Variants in PLA2G6 observed in about 807,000 individuals in gnomAD.
PLA2G6 encodes the protein phospholipase A2 group VI.
In PLA2G6, 62 loss-of-function variants were observed where a neutral mutation model predicts 83.8. That is an observed-to-expected ratio of 0.74 (90% CI 0.60 to 0.91). The LOEUF (loss-of-function observed/expected upper bound fraction) is 0.91, where lower values mean the gene tolerates loss of function less well. PLA2G6 is among the 40% of genes least tolerant of loss of function. PLA2G6 has a pLI of 0.00. For missense variants in PLA2G6, 944 were observed against 1,102.0 expected, an observed-to-expected ratio of 0.86 and a Z score of 2.03; for synonymous variants, 417 against 449.8, an observed-to-expected ratio of 0.93 and a Z score of 0.92.
Position 38,128,262 on chromosome 22 carries a change from G to C in PLA2G6, c.1348+7C>G. On this transcript the variant is annotated splice_region_variant and intron_variant, in intron 9 of 16. Transcript: ENST00000332509. The surrounding 1 kb of genome is among the most constrained non-coding windows in gnomAD (Gnocchi z 4.4). ...TGGAGAAGAGGGAGTCGGGAGGCGA[G>C]GCCTACCTAGGTTGTTTAGGCTGAT... The C allele has an allele frequency of 1.2e-6, 2 of 1,612,170 alleles. No individual in the cohort carries two copies. The highest frequency in any genetic ancestry group is 1.7e-6 in the Non-Finnish European group (2 of 1,179,828).
At chr22:38,120,302 T>C (rs1310409480) in intron 12 of PLA2G6, among the ~76,000 whole-genome samples, 1 of 152,254 alleles carries the variant, frequency 6.6e-6, no homozygotes, top group Non-Finnish European at 1.5e-5. Context: ...AGTCCGATCC[T>C]GGGAGCGAGT....
intron 2 of PLA2G6, among the ~76,000 whole-genome samples, chr22:38,153,956 G>A (rs2089677485): frequency 6.6e-6 from 1 of 152,210 alleles, no homozygotes; most frequent in African/African-American, 2.4e-5. Context: ...CAGTGGCCTG[G>A]CAGCACTGCC....
chr22:38,173,960 G>A (rs1339524771), intron 1 of PLA2G6, among the ~76,000 whole-genome samples: 1 of 151,760 alleles, frequency 6.6e-6, no homozygotes, highest in African/African-American at 2.4e-5. Flanking sequence ...GCTAAGGCAA[G>A]AGGATTGCTT....
At chr22:38,171,471 G>A (rs1481122287) in intron 1 of PLA2G6, among the ~76,000 whole-genome samples, 3 of 151,970 alleles carry the variant, frequency 2.0e-5, no homozygotes, top group African/African-American at 4.8e-5. Flanking sequence ...TCAGCCTCCT[G>A]AGTAGCTAGG....
intron 2 of PLA2G6, among the ~76,000 whole-genome samples, chr22:38,156,397 C>A (rs1441226997): frequency 6.6e-6 from 1 of 152,166 alleles, no homozygotes; most frequent in Non-Finnish European, 1.5e-5. Context: ...GCATATGGAT[C>A]ATTCTCAAGG....
At chr22:38,131,922 C>T (rs1252444942) in intron 7 of PLA2G6, 2 of 327,954 alleles carry the variant, frequency 6.1e-6, no homozygotes, top group Non-Finnish European at 1.2e-5. Flanking sequence ...CGAGACCAGC[C>T]TGGCCAACGT....
At position 38,120,956 on chromosome 22, in the gene PLA2G6, A is replaced by G. The variant is rs1374916597; in HGVS notation, c.1592-47T>C. 7 of 1,607,080 alleles carry G rather than the reference A, an allele frequency of 4.4e-6. No individual in the cohort carries two copies. The South Asian group carries it at 6.6e-5, about 15-fold the overall frequency. On this transcript the variant is annotated intron_variant, in intron 11 of 16. Transcript: ENST00000332509. ...GCGGGGAGATGCAGCGGCCACACGC[A>G]GGGCTCCCGTAGAACAGCCTGCAGA...
At chr22:38,112,650 G>A (rs1010963969) in intron 15 of PLA2G6, 73 bp from the exon 16 acceptor site, 3 of 1,291,248 alleles carry the variant, frequency 2.3e-6, no homozygotes, top group African/African-American at 1.5e-5. Context: ...GCCCTGCCCT[G>A]CACTCTCGGA....
At chr22:38,126,683 G>A (rs2087881356) in intron 9 of PLA2G6, 1 of 549,016 alleles carries the variant, frequency 1.8e-6, no homozygotes, top group South Asian at 1.9e-5. Context: ...CACTGCTCTG[G>A]GAAGGGCTCC....
chr22:38,175,628 T>C (rs1219799610), intron 1 of PLA2G6, among the ~76,000 whole-genome samples: 1 of 152,198 alleles, frequency 6.6e-6, no homozygotes, highest in East Asian at 1.9e-4. Context: ...AAATCTCTTC[T>C]TATCCATGAA....
chr22:38,155,362 G>A (rs2089735800), intron 2 of PLA2G6, among the ~76,000 whole-genome samples: 1 of 152,070 alleles, frequency 6.6e-6, no homozygotes, highest in South Asian at 2.1e-4. Context: ...TGAAAGTACA[G>A]AACTTAATGG....
chr22:38,171,112 C>T (rs554342876), intron 1 of PLA2G6, among the ~76,000 whole-genome samples: 2 of 145,916 alleles, frequency 1.4e-5, no homozygotes, highest in African/African-American at 5.1e-5. Flanking sequence ...GCGGAGGTTG[C>T]GGTGAGCTGA....
At chr22:38,156,088 G>A (rs2089766983) in intron 2 of PLA2G6, among the ~76,000 whole-genome samples, 1 of 152,106 alleles carries the variant, frequency 6.6e-6, no homozygotes, top group Admixed American at 6.6e-5. Context: ...GACAAAGAAG[G>A]TCATTATATA....
chr22:38,141,456 G>A (rs2088898022), intron 4 of PLA2G6: 1 of 152,290 alleles, frequency 6.6e-6, no homozygotes. Flanking sequence ...GTGACACCAG[G>A]GTCACCTCAC....
intron 1 of PLA2G6, among the ~76,000 whole-genome samples, chr22:38,179,666 C>A (rs1259674103): frequency 1.3e-5 from 2 of 152,054 alleles, no homozygotes; most frequent in African/African-American, 4.8e-5. Flanking sequence ...GCTTGTAATC[C>A]CAGCTACTTG....
chr22:38,125,813 C>A (rs555973955), intron 10 of PLA2G6: 2 of 431,814 alleles, frequency 4.6e-6, no homozygotes, highest in South Asian at 1.7e-5. Context: ...TGGCTGGAAA[C>A]GCATTTGTCC....
chr22:38,122,453 C>T (rs938915283), intron 11 of PLA2G6, among the ~76,000 whole-genome samples: 6 of 152,152 alleles, frequency 3.9e-5, no homozygotes, highest in African/African-American at 9.7e-5. Flanking sequence ...ACTGACCACC[C>T]GGCTATCTGT....
intron 2 of PLA2G6, among the ~76,000 whole-genome samples, chr22:38,151,111 CAAAACAAAATG>C (rs1356787659): frequency 1.3e-5 from 2 of 151,982 alleles, no homozygotes; most frequent in African/African-American, 4.8e-5. Context: ...ACTTAGCACA[CAAAACAAAATG>C]AAAACAAAAA....
At chr22:38,143,651 G>C (rs904865696) in intron 3 of PLA2G6, 1 of 389,566 alleles carries the variant, frequency 2.6e-6, no homozygotes, top group African/African-American at 2.1e-5. Context: ...ACAAGCTGCT[G>C]TGCCTGCCCC....
Sources: gnomAD v4.1 joint callset for allele counts (sites outside exome capture counted in the v4.1 genomes callset) on GRCh38, gnomAD v4.1.1 for gene constraint, Gnocchi (gnomAD v3.1) non-coding constraint, MANE v1.5 for transcripts, NCBI Gene and HGNC (gene_info 2026-07-23, HGNC 2026-07-21) for gene names.